Variants in POLQ observed in about 807,000 individuals in gnomAD.
The protein encoded by POLQ is DNA polymerase theta.
Under a neutral mutation model 259.2 loss-of-function variants are expected in POLQ, and 233 were observed. The ratio of observed to expected loss-of-function variants is 0.90; its 90% CI spans 0.81 to 1.00. The LOEUF (loss-of-function observed/expected upper bound fraction) is 1.00, where lower values mean the gene tolerates loss of function less well. Among genes scored for constraint, POLQ ranks in the 50% least tolerant of loss-of-function variants. The pLI, the probability that POLQ is intolerant of heterozygous loss-of-function variation, is 0.00. For missense variants in POLQ, 2,871 were observed against 3,051.6 expected (o/e 0.94, Z 1.39); for synonymous variants, 1,025 against 1,048.8 (o/e 0.98, Z 0.44).
At chr3:121,455,400 A>G (rs1232880623) in intron 25 of POLQ, among the ~76,000 whole-genome samples, 20 of 148,014 alleles carry the variant, frequency 1.4e-4, no homozygotes, top group African/African-American at 4.5e-4. Flanking sequence ...AACTGAAGGA[A>G]ATAGAGACAC....
chr3:121,509,716 TA>T lies in POLQ; in HGVS notation c.1817-14del, dbSNP rs1304967575. 1.1e-5 allele frequency: 17 copies of T among 1,600,690 alleles called. No individual in the cohort carries two copies. The Admixed American group carries it at 2.7e-4, about 25-fold the overall frequency. On this transcript the variant is annotated splice_polypyrimidine_tract_variant and intron_variant, in intron 11 of 29. Coordinates refer to ENST00000264233, the MANE Select transcript of POLQ (RefSeq NM_199420.4). ...TGATACACCTTTCCTGGTTTAGGGTTAGGGTGAGGAAACAGAGGAACAAACA... is the reference window on the plus strand; with the variant it reads ...TGATACACCTTTCCTGGTTTAGGGTTGGGTGAGGAAACAGAGGAACAAACA...
rs370826767 is a variant in POLQ at position 121,544,781 on chromosome 3, C to T, written c.289G>A (p.Ala97Thr). The change falls in exon 2 of 30, where the codon GCA becomes ACA. Residue 97 changes from alanine to threonine, a missense_variant. Transcript: ENST00000264233. ...ACTTGTCCAAGCAAAAGGCACTCTG[C>T]CTGCCATTCAAACATCTTTTTTACA... ...FGVKKMFEWQ[A>T]ECLLLGQVLE... is the part of the protein sequence containing the mutation. 232 of 1,613,570 alleles carry T rather than the reference C, an allele frequency of 1.4e-4. 4 individuals carry two copies. In the South Asian group the frequency reaches 2.5e-3, roughly 17 times the overall value.
Position 121,489,456 on chromosome 3 carries a change from T to C in POLQ, c.3475A>G (p.Arg1159Gly). The C allele has an allele frequency of 6.2e-7, 1 of 1,614,090 alleles. No individual in the cohort carries two copies. The highest frequency in any genetic ancestry group is 2.2e-5 in the East Asian group (1 of 44,880). ...QATSVVSEKG[R>G]GVAVEAEKIN... Reference sequence around the variant, plus strand: ...TTTTCTGCCTCAACAGCTACTCCTCTGCCCTTTTCACTAACCACACTAGTG... The same window carrying C: ...TTTTCTGCCTCAACAGCTACTCCTCCGCCCTTTTCACTAACCACACTAGTG... Residue 1159 changes from arginine to glycine, a missense_variant, in exon 16 of 30, where the codon AGA becomes GGA. This residue lies in a region of POLQ where 2,080 missense variants were observed against 2,126.0 expected (regional missense o/e 0.98). Transcript: ENST00000264233.
rs1311840422 is a variant in POLQ at position 121,520,011 on chromosome 3, G to T, written c.1328C>A (p.Thr443Asn). Residue 443 changes from threonine to asparagine, a missense_variant, in exon 9 of 30, where the codon ACT becomes AAT. Coordinates refer to ENST00000264233, the MANE Select transcript of POLQ (RefSeq NM_199420.4). Reference protein sequence around the residue: ...RQGLIRVLAATSTLSSGVNLP... With the variant: ...RQGLIRVLAANSTLSSGVNLP... ...ATTCACCCCAGAAGAAAGAGTAGAAGTTGCCGCCAAGACCCGAATGAGACC... is the reference window on the plus strand; with the variant it reads ...ATTCACCCCAGAAGAAAGAGTAGAATTTGCCGCCAAGACCCGAATGAGACC... The T allele has an allele frequency of 1.2e-6, 2 of 1,613,396 alleles. No homozygotes were observed. Among genetic ancestry groups the T allele is most frequent in the African/African-American group, 1.3e-5 (1 of 74,898 alleles).
At chr3:121,507,231 T>C (rs2048215474) in intron 12 of POLQ, among the ~76,000 whole-genome samples, 1 of 152,200 alleles carries the variant, frequency 6.6e-6, no homozygotes, top group Admixed American at 6.5e-5. Context: ...ATTCAAAATA[T>C]AAAATAGTAC....
chr3:121,458,587 G>T (rs965051398), intron 25 of POLQ, among the ~76,000 whole-genome samples: 7 of 152,100 alleles, frequency 4.6e-5, no homozygotes, highest in African/African-American at 1.7e-4. Flanking sequence ...TTAAATATGG[G>T]AATATTATCT....
intron 17 of POLQ, among the ~76,000 whole-genome samples, chr3:121,484,734 C>T (rs546206968): frequency 1.9e-4 from 29 of 152,008 alleles, no homozygotes; most frequent in Non-Finnish European, 3.8e-4. Flanking sequence ...AACCCTGTCT[C>T]TACTAAAAAA....
Position 121,490,047 on chromosome 3 carries a change from T to C in POLQ, c.2884A>G (p.Ser962Gly), listed in dbSNP as rs3218636. 0.032 allele frequency: 50,863 copies of C among 1,573,730 alleles called. 2,121 individuals carry two copies. Among genetic ancestry groups the C allele is most frequent in the Admixed American group, 0.22 (11,457 of 51,530 alleles). Reference sequence around the variant, plus strand: ...TTAAAGGAACTTGTATGCTCTCTACTTTTATTTAAGTCTTGCACTATATTT... The same window carrying C: ...TTAAAGGAACTTGTATGCTCTCTACCTTTATTTAAGTCTTGCACTATATTT... ...SPNIVQDLNKSREHTSSFNCN... is the reference protein window; with the variant it reads ...SPNIVQDLNKGREHTSSFNCN... The change falls in exon 16 of 30, where the codon AGT becomes GGT. Residue 962 changes from serine (S) to glycine (G), a missense_variant. Physicochemically the swap from Ser to Gly is moderately conservative, Grantham distance 56 (BLOSUM62 0). Around this residue, in one of 3 missense-constraint regions of POLQ, gnomAD observed 2,080 missense variants for 2,126.0 expected, o/e 0.98. Coordinates refer to ENST00000264233, the MANE Select transcript of POLQ (RefSeq NM_199420.4).
chr3:121,455,850 T>G (rs540749534), intron 25 of POLQ, among the ~76,000 whole-genome samples: 1 of 152,024 alleles, frequency 6.6e-6, no homozygotes, highest in East Asian at 1.9e-4. Context: ...TTCCAATCAA[T>G]AGAAAAAGAG....
chr3:121,531,766 A>G (rs1441812713), intron 6 of POLQ, among the ~76,000 whole-genome samples: 2 of 152,240 alleles, frequency 1.3e-5, no homozygotes, highest in Admixed American at 1.3e-4. Flanking sequence ...AAAAATTAAC[A>G]GGAGAGCAAA....
chr3:121,497,598 G>A (rs1320699155), intron 13 of POLQ, among the ~76,000 whole-genome samples: 1 of 151,878 alleles, frequency 6.6e-6, no homozygotes, highest in Admixed American at 6.6e-5. Flanking sequence ...CACCACAAAC[G>A]GCTAATTTTT....
chr3:121,451,321 T>C (rs1466915013), intron 25 of POLQ, among the ~76,000 whole-genome samples: 2 of 152,260 alleles, frequency 1.3e-5, no homozygotes, highest in Non-Finnish European at 2.9e-5. Flanking sequence ...CTTTGTTCCA[T>C]TGCTGGCGAG....
Position 121,467,554 on chromosome 3 carries a change from GA to G in POLQ, c.6931del (p.Ser2311GlnfsTer26). 1 of 1,613,930 alleles carries G rather than the reference GA, an allele frequency of 6.2e-7. No individual in the cohort carries two copies. The highest frequency in any genetic ancestry group is 8.5e-7 in the Non-Finnish European group (1 of 1,179,814). The part of the protein sequence containing the change: ...ERAADRGMPF[S>X]ISMRHAFVPF... ...CACAAAGGCATGTCGCATGCTAATT[GA>G]AAATGGCATTCCTCTGTCTGCAGCT... On this transcript the variant is annotated frameshift_variant, in exon 24 of 30. Coordinates refer to ENST00000264233, the MANE Select transcript of POLQ (RefSeq NM_199420.4). LOFTEE classifies it high-confidence loss of function.
In POLQ at chr3:121,481,594, CAA is replaced by C. The variant is rs925196091; in HGVS notation, c.6187_6188del (p.Leu2063ValfsTer12). The C allele has an allele frequency of 6.2e-6, 10 of 1,600,560 alleles. No homozygotes were observed. Among genetic ancestry groups the C allele is most frequent in the Non-Finnish European group, 7.7e-6 (9 of 1,172,640 alleles). ...IFNSMNQLNS[L>X]LQKENLQDVF... ...TACCTTGAAGGTTTTCCTTCTGCAA[CAA>C]AGAGTTGAGCTGATTCATAGAGTTG... On this transcript the variant is annotated frameshift_variant, in exon 19 of 30. Coordinates refer to ENST00000264233, the MANE Select transcript of POLQ (RefSeq NM_199420.4). LOFTEE classifies it high-confidence loss of function.
At chr3:121,542,381 C>T (rs562028584) in intron 2 of POLQ, among the ~76,000 whole-genome samples, 4 of 151,904 alleles carry the variant, frequency 2.6e-5, no homozygotes, top group African/African-American at 7.3e-5. Context: ...TACAGTGAGA[C>T]TCTGTTCCAA....
intron 22 of POLQ, 49 bp from the exon 23 acceptor site, chr3:121,468,480 A>G: frequency 7.1e-7 from 1 of 1,401,262 alleles, no homozygotes; most frequent in South Asian, 1.2e-5. Context: ...AAAATCTAGT[A>G]TTTGTCTTAA....
chr3:121,475,005 T>C (rs930629968), intron 20 of POLQ, among the ~76,000 whole-genome samples: 1 of 152,296 alleles, frequency 6.6e-6, no homozygotes, highest in East Asian at 1.9e-4. Flanking sequence ...AGACTTATCA[T>C]TTTTTATGGT....
intron 9 of POLQ, among the ~76,000 whole-genome samples, chr3:121,514,795 T>C (rs1189096776): frequency 2.6e-5 from 4 of 152,092 alleles, no homozygotes; most frequent in Admixed American, 2.6e-4. Context: ...AGCTAAACAG[T>C]GTAGCCCAGG....
chr3:121,508,032 T>G (rs1034135548), intron 12 of POLQ, among the ~76,000 whole-genome samples: 73 of 151,158 alleles, frequency 4.8e-4, no homozygotes, highest in Admixed American at 7.9e-4. Flanking sequence ...TTTTTTTTTT[T>G]TTTGTTTGGT....
Sources: gnomAD v4.1 joint callset for allele counts (sites outside exome capture counted in the v4.1 genomes callset) on GRCh38, gnomAD v4.1.1 for gene constraint, gnomAD v4.1.1 regional missense constraint, MANE v1.5 for transcripts, NCBI Gene and HGNC (gene_info 2026-07-23, HGNC 2026-07-21) for gene names.